Variants in MYO18A observed in about 807,000 individuals in gnomAD.
The protein encoded by MYO18A is unconventional myosin-XVIIIa.
MYO18A carries 78 observed loss-of-function variants against 235.8 expected under a neutral mutation model. The observed-to-expected ratio is 0.33, with a 90% CI of 0.28 to 0.40. MYO18A has a LOEUF of 0.40. Among genes scored for constraint, MYO18A ranks in the 10% least tolerant of loss-of-function variants. MYO18A has a pLI of 1.00. For missense variants in MYO18A, 2,215 were observed against 2,699.3 expected, an observed-to-expected ratio of 0.82 and a Z score of 3.98; for synonymous variants, 977 against 1,077.8, an observed-to-expected ratio of 0.91 and a Z score of 1.83.
chr17:29,122,354 C>T, intron 2 of MYO18A, 101 bp from the exon 3 acceptor site: 1 of 1,042,778 alleles, frequency 9.6e-7, no homozygotes, highest in South Asian at 1.4e-5. Flanking sequence ...TTGAGACAAG[C>T]CACTGGGCAA....
intron 1 of MYO18A, among the ~76,000 whole-genome samples, chr17:29,171,694 A>G (rs2068407781): frequency 1.4e-5 from 2 of 147,492 alleles, no homozygotes; most frequent in Non-Finnish European, 3.0e-5. Context: ...CAGGAGTCGG[A>G]GACAAGCCTG....
intron 19 of MYO18A, 112 bp from the exon 20 acceptor site, chr17:29,107,301 C>A: frequency 1.0e-6 from 1 of 987,532 alleles, no homozygotes. Flanking sequence ...GAAGAAACTG[C>A]AGGGGGTGGG....
At chr17:29,161,507 CAAA>C (rs34979528) in intron 2 of MYO18A, among the ~76,000 whole-genome samples, 13 of 118,260 alleles carry the variant, frequency 1.1e-4, no homozygotes, top group Admixed American at 9.0e-5. Flanking sequence ...GACCCTGTCT[CAAA>C]AAAAAAAAAA....
chr17:29,146,128 T>C (rs2067843730), intron 2 of MYO18A, among the ~76,000 whole-genome samples: 1 of 151,980 alleles, frequency 6.6e-6, no homozygotes, highest in African/African-American at 2.4e-5. Context: ...CGTGGTGGCA[T>C]GTGCCTGTAA....
In MYO18A at chr17:29,165,961, G is replaced by T. The variant is rs1648520307; in HGVS notation, c.980C>A (p.Pro327His). The part of the protein sequence containing the change: ...SRSWLRSGEG[P>H]RREPSDAKTE... ...ACTCACATCGGATGGCTCCCTGCGA[G>T]GTCCCTCGCCGCTCCGCAGCCAGCT... The change falls in exon 2 of 42, where the codon CCT becomes CAT. Residue 327 changes from proline (P) to histidine (H), a missense_variant. Coordinates refer to ENST00000527372, the MANE Select transcript of MYO18A (RefSeq NM_078471.4). The T allele has an allele frequency of 6.2e-6, 10 of 1,612,954 alleles. No homozygotes were observed. The highest frequency in any genetic ancestry group is 8.5e-6 in the Non-Finnish European group (10 of 1,179,592).
At chr17:29,163,688 G>A (rs576292344) in intron 2 of MYO18A, among the ~76,000 whole-genome samples, 7 of 152,230 alleles carry the variant, frequency 4.6e-5, no homozygotes, top group Non-Finnish European at 1.0e-4. Flanking sequence ...TGAGATGCCA[G>A]GATGATCCCT....
At chr17:29,175,430 C>T (rs929461978) in intron 1 of MYO18A, among the ~76,000 whole-genome samples, 15 of 147,382 alleles carry the variant, frequency 1.0e-4, no homozygotes, top group Non-Finnish European at 1.5e-4. Context: ...GGTGCGATCT[C>T]GGCTCACTGC....
intron 41 of MYO18A, chr17:29,076,700 G>A (rs1237346589): frequency 6.6e-6 from 1 of 152,172 alleles, no homozygotes; most frequent in East Asian, 1.9e-4. Flanking sequence ...GAAAAAAATT[G>A]GGGTTATTTT....
At chr17:29,115,215 C>T (rs2067028703) in intron 13 of MYO18A, 116 bp from the exon 14 acceptor site, 2 of 1,421,708 alleles carry the variant, frequency 1.4e-6, no homozygotes, top group Non-Finnish European at 1.9e-6. Context: ...GGAGGGCATG[C>T]TGGCCTTGCT....
rs1432498534 is a variant in MYO18A, at chr17:29,110,051, G to C, written c.3138C>G (p.Cys1046Trp). 1 of 1,613,012 alleles carries C rather than the reference G, an allele frequency of 6.2e-7. No homozygotes were observed. The highest frequency in any genetic ancestry group is 1.3e-5 in the African/African-American group (1 of 74,952). The change falls in exon 19 of 42, where the codon TGC becomes TGG. Residue 1046 changes from cysteine to tryptophan, a missense_variant. Coordinates refer to ENST00000527372, the MANE Select transcript of MYO18A (RefSeq NM_078471.4). ...CCCAGCCCTCAGCTACAGGCAGGAA[G>C]CAGTGCACAAAATGCAGCTTTGACT... ...IKKSKLHFVHCFLPVAEGWAG... is the reference protein window; with the variant it reads ...IKKSKLHFVHWFLPVAEGWAG...
At chr17:29,170,698 C>T (rs919714023) in intron 1 of MYO18A, among the ~76,000 whole-genome samples, 3 of 152,270 alleles carry the variant, frequency 2.0e-5, no homozygotes, top group South Asian at 2.1e-4. Flanking sequence ...GGTATGGACC[C>T]GAATAATCTT....
In MYO18A at chr17:29,109,167, CA is replaced by C. The variant is rs900364710; in HGVS notation, c.3331+690del. ...TCTCAGGCAAAAAACAAAAAAAAAA[CA>C]AAAAAAACCCACCCTACTTGAGAGA... On this transcript the variant is annotated intron_variant, in intron 19 of 41. Coordinates refer to ENST00000527372, the MANE Select transcript of MYO18A (RefSeq NM_078471.4). This position sits in a 1 kb window ranked among gnomAD's most constrained non-coding sequence, Gnocchi z 4.1. Among the ~76,000 whole-genome samples the C allele has an allele frequency of 5.3e-5, 8 of 149,552 alleles. No individual in the cohort carries two copies. Among genetic ancestry groups the C allele is most frequent in the African/African-American group, 1.7e-4 (7 of 40,248 alleles).
Position 29,074,896 on chromosome 17 carries a change from C to T in MYO18A, c.6039G>A (p.Lys2013=). 1 of 1,613,970 alleles carries T rather than the reference C, an allele frequency of 6.2e-7. No individual in the cohort carries two copies. Among genetic ancestry groups the T allele is most frequent in the Non-Finnish European group, 8.5e-7 (1 of 1,179,884 alleles). Residue 2013 remains lysine (K), a synonymous_variant, in exon 42 of 42, where the codon AAG becomes AAA. Coordinates refer to ENST00000527372, the MANE Select transcript of MYO18A (RefSeq NM_078471.4). This position sits in a 1 kb window ranked among gnomAD's most constrained non-coding sequence, Gnocchi z 4.4. The stretch of plus-strand genomic sequence containing the variant: ...CATCTGACCGATCAGGGGCAAGGGA[C>T]TTCCAGTAGCTGGTGGGGCTGCAGG... ...LKSSSPTSYW[K]SLAPDRSDDE...
At chr17:29,151,883 G>T (rs2067970270) in intron 2 of MYO18A, among the ~76,000 whole-genome samples, 1 of 152,194 alleles carries the variant, frequency 6.6e-6, no homozygotes, top group Admixed American at 6.5e-5. Flanking sequence ...ATGGAGCAGT[G>T]AGGCCCATAA....
At chr17:29,171,265 G>A (rs1434358813) in intron 1 of MYO18A, among the ~76,000 whole-genome samples, 2 of 151,924 alleles carry the variant, frequency 1.3e-5, no homozygotes, top group Admixed American at 6.6e-5. Flanking sequence ...CTGAAACCCC[G>A]TCTCTAATAA....
rs1487388661 is a variant in MYO18A, at chr17:29,166,057, A to G, written c.884T>C (p.Met295Thr). Reference protein sequence around the residue: ...ESKSRDEIVEMIRQSGDSVRL... With the variant: ...ESKSRDEIVETIRQSGDSVRL... ...CACGCTGTCCCCTGACTGCCGGATC[A>G]TCTCCACAATCTCATCCCTGGACTT... is the stretch of plus-strand genomic sequence containing the variant. Residue 295 changes from methionine to threonine, a missense_variant, in exon 2 of 42, where the codon ATG becomes ACG. Transcript: ENST00000527372. 1 of 1,613,798 alleles carries G rather than the reference A, an allele frequency of 6.2e-7. No individual in the cohort carries two copies. The highest frequency in any genetic ancestry group is 1.7e-5 in the Admixed American group (1 of 60,036).
At chr17:29,108,309 A>G (rs2066842966) in intron 19 of MYO18A, among the ~76,000 whole-genome samples, 1 of 151,976 alleles carries the variant, frequency 6.6e-6, no homozygotes, top group Non-Finnish European at 1.5e-5. Context: ...AGGTCAGGGG[A>G]GGTGTGACCT....
At chr17:29,105,641 A>G (rs534830727) in intron 20 of MYO18A, among the ~76,000 whole-genome samples, 2 of 152,148 alleles carry the variant, frequency 1.3e-5, no homozygotes, top group South Asian at 4.2e-4. Flanking sequence ...TGATGTCCTG[A>G]GATCTGAAGG....
intron 33 of MYO18A, among the ~76,000 whole-genome samples, 161 bp downstream of exon 33, chr17:29,092,694 G>A (rs1475418188): frequency 6.6e-6 from 1 of 152,202 alleles, no homozygotes; most frequent in Non-Finnish European, 1.5e-5. Flanking sequence ...TAAGGCACAC[G>A]CAGAGCCTGG....
Sources: gnomAD v4.1 joint callset for allele counts (sites outside exome capture counted in the v4.1 genomes callset) on GRCh38, gnomAD v4.1.1 for gene constraint, Gnocchi (gnomAD v3.1) non-coding constraint, MANE v1.5 for transcripts, NCBI Gene and HGNC (gene_info 2026-07-23, HGNC 2026-07-21) for gene names.